Variants in WDPCP observed in about 807,000 individuals in gnomAD.
WDPCP encodes the protein WD repeat-containing and planar cell polarity effector protein fritz homolog.
In WDPCP, 71 loss-of-function variants were observed where a neutral mutation model predicts 93.1. The ratio of observed to expected loss-of-function variants is 0.76; its 90% CI spans 0.63 to 0.93. WDPCP has a LOEUF of 0.93. Ranked by LOEUF, WDPCP falls within the 40% of genes least tolerant of loss-of-function variation. The probability of loss-of-function intolerance (pLI) is 0.00; values close to 1 mark genes in which losing one functional copy is unlikely to be tolerated. For missense variants in WDPCP, 844 were observed against 887.4 expected (o/e 0.95, Z 0.62); for synonymous variants, 315 against 315.0 (o/e 1.00, Z 0.00).
intron 17 of WDPCP, among the ~76,000 whole-genome samples, chr2:63,141,335 C>G (rs1220597152): frequency 1.3e-5 from 2 of 152,194 alleles, no homozygotes; most frequent in South Asian, 2.1e-4. Flanking sequence ...CCTCAGCCCC[C>G]CAAAGTGCTG....
intron 3 of WDPCP, among the ~76,000 whole-genome samples, chr2:63,634,067 G>A (rs892589877): frequency 2.0e-5 from 3 of 152,044 alleles, no homozygotes; most frequent in Non-Finnish European, 4.4e-5. Context: ...AAAAAAGGGG[G>A]ATTTAAATCC....
At chr2:63,836,265 G>A in the WDPCP span, among the ~76,000 whole-genome samples, 3 of 152,200 alleles carry the variant, frequency 2.0e-5, no homozygotes, top group Admixed American at 6.5e-5. Flanking sequence ...CTTTCCAGTG[G>A]TGGCACTAGC....
chr2:63,426,115 C>T (rs972580697), intron 9 of WDPCP, among the ~76,000 whole-genome samples: 6 of 152,084 alleles, frequency 3.9e-5, no homozygotes, highest in South Asian at 2.1e-4. Flanking sequence ...CCGAGGCAGG[C>T]GGATCATGAG....
At chr2:63,500,657 T>C (rs1448887326) in intron 1 of WDPCP, among the ~76,000 whole-genome samples, 1 of 152,226 alleles carries the variant, frequency 6.6e-6, no homozygotes, top group Non-Finnish European at 1.5e-5. Context: ...TTCATTCTAA[T>C]CCTGCTATGA....
At chr2:63,285,274 C>T (rs1683896340) in intron 13 of WDPCP, among the ~76,000 whole-genome samples, 1 of 151,728 alleles carries the variant, frequency 6.6e-6, no homozygotes, top group African/African-American at 2.4e-5. Context: ...ACTAAAAATG[C>T]AAAAACAAAA....
chr2:63,299,206 G>T (rs973732745), intron 13 of WDPCP, among the ~76,000 whole-genome samples: 1 of 152,232 alleles, frequency 6.6e-6, no homozygotes, highest in Non-Finnish European at 1.5e-5. Context: ...CAGCCCAGCT[G>T]TCAGTGCATA....
At chr2:63,123,938 AC>A (rs1330717182) in intron 17 of WDPCP, among the ~76,000 whole-genome samples, 4 of 150,574 alleles carry the variant, frequency 2.7e-5, no homozygotes, top group Admixed American at 2.0e-4. Flanking sequence ...ACACTTCAAA[AC>A]TTTTTAATGT....
At chr2:63,397,235 T>C (rs1693804868) in intron 10 of WDPCP, among the ~76,000 whole-genome samples, 1 of 152,200 alleles carries the variant, frequency 6.6e-6, no homozygotes, top group African/African-American at 2.4e-5. Context: ...ATTTGGTCAC[T>C]AATTGGATGT....
intron 13 of WDPCP, among the ~76,000 whole-genome samples, chr2:63,274,633 A>G (rs1331635807): frequency 6.6e-6 from 1 of 152,150 alleles, no homozygotes; most frequent in East Asian, 1.9e-4. Flanking sequence ...ATTACAACTG[A>G]TATCAAAGAA....
At chr2:63,166,602 G>T (rs572787604) in intron 15 of WDPCP, among the ~76,000 whole-genome samples, 1 of 150,104 alleles carries the variant, frequency 6.7e-6, no homozygotes, top group African/African-American at 2.5e-5. Context: ...CATATTTGCC[G>T]AGCTGGTCTC....
At chr2:63,506,685 G>A (rs1254707691) in intron 1 of WDPCP, among the ~76,000 whole-genome samples, 1 of 152,042 alleles carries the variant, frequency 6.6e-6, no homozygotes, top group Admixed American at 6.6e-5. Flanking sequence ...GAAAACAAGA[G>A]AACTGTTTGA....
intron 1 of WDPCP, among the ~76,000 whole-genome samples, chr2:63,552,862 C>CACATAATAAAACACATAATAAA (rs1705786592): frequency 6.6e-6 from 1 of 152,144 alleles, no homozygotes; most frequent in African/African-American, 2.4e-5. Context: ...ATAAGAGAAT[C>CACATAATAAAACACATAATAAA]ACACATAATA....
intron 1 of WDPCP, among the ~76,000 whole-genome samples, chr2:63,534,626 T>C (rs961973065): frequency 3.3e-5 from 5 of 152,282 alleles, no homozygotes; most frequent in Middle Eastern, 3.4e-3. Context: ...ATTATCTCAA[T>C]AGATGCAGAA....
chr2:63,646,189 T>C (rs956564915), intron 3 of WDPCP, among the ~76,000 whole-genome samples: 8 of 152,114 alleles, frequency 5.3e-5, no homozygotes, highest in African/African-American at 1.4e-4. Context: ...TGGTTGGAGG[T>C]TACCATGAAG....
At chr2:63,572,124 T>G (rs973952529) in intron 1 of WDPCP, among the ~76,000 whole-genome samples, 2 of 152,156 alleles carry the variant, frequency 1.3e-5, no homozygotes, top group Non-Finnish European at 2.9e-5. Flanking sequence ...AAATCCCATA[T>G]CGTGTATTCC....
intron 13 of WDPCP, among the ~76,000 whole-genome samples, chr2:63,288,762 C>A (rs1174948986): frequency 6.6e-6 from 1 of 152,170 alleles, no homozygotes; most frequent in East Asian, 1.9e-4. Flanking sequence ...TCCTTCCTAT[C>A]ACAAATATCC....
At chr2:63,531,633 T>C (rs6710451) in intron 1 of WDPCP, among the ~76,000 whole-genome samples, 29,432 of 152,026 alleles carry the variant, frequency 0.19, 3,051 homozygotes, top group Middle Eastern at 0.28. Flanking sequence ...TCCTGATGGT[T>C]AGAAGGAAAA....
intron 2 of WDPCP, among the ~76,000 whole-genome samples, chr2:63,675,129 G>A (rs964120141): frequency 1.3e-5 from 2 of 151,778 alleles, no homozygotes; most frequent in South Asian, 2.1e-4. Flanking sequence ...TTTAACCTCC[G>A]CTGGGAGCTC....
chr2:63,172,525 A>G (rs1673471944), intron 15 of WDPCP, among the ~76,000 whole-genome samples: 1 of 151,838 alleles, frequency 6.6e-6, no homozygotes, highest in East Asian at 1.9e-4. Flanking sequence ...TCCAAAAAAT[A>G]ATAATAAAGA....
Sources: allele counts gnomAD v4.1 joint callset (sites outside exome capture counted in the v4.1 genomes callset), GRCh38; gene constraint gnomAD v4.1.1; transcripts MANE v1.5; gene names NCBI Gene and HGNC (gene_info 2026-07-23, HGNC 2026-07-21).